CD248: variants seen among roughly 807,000 people sequenced by gnomAD.
The protein encoded by CD248 is CD248 molecule, also known as endosialin.
A neutral mutation model predicts 8.0 loss-of-function variants in CD248; 7 were observed. The ratio of observed to expected loss-of-function variants is 0.88; its 90% CI spans 0.50 to 1.64. CD248 has a LOEUF of 1.64. Ranked by LOEUF, CD248 falls within the 40% of genes most tolerant of loss-of-function variation. The probability of loss-of-function intolerance (pLI) is 0.00; values close to 1 mark genes in which losing one functional copy is unlikely to be tolerated. For synonymous variants in CD248, 418 were observed against 437.1 expected (o/e 0.96, Z 0.54); for missense variants, 912 against 1,027.2 (o/e 0.89, Z 1.53).
In CD248 at chr11:66,314,683, C is replaced by A; in HGVS notation, c.*71G>T. 1 of 1,351,536 alleles carries A rather than the reference C, an allele frequency of 7.4e-7. No homozygotes were observed. Among genetic ancestry groups the A allele is most frequent in the South Asian group, 1.4e-5 (1 of 71,894 alleles). The allele number at this position is 1,351,536 out of a possible 1,614,324, so 83.7% of individuals were successfully genotyped here. ...AGCCATCTGTCCAGCTGGGCAGCCC[C>A]CATGGGTCCCTGGTGCAGCCCCGGC... On this transcript the variant is annotated 3_prime_UTR_variant, in exon 1 of 1. Coordinates refer to ENST00000311330, the MANE Select transcript of CD248 (RefSeq NM_020404.3). This position sits in a 1 kb window ranked among gnomAD's most constrained non-coding sequence, Gnocchi z 4.0.
At position 66,316,867 on chromosome 11, in the gene CD248, A is replaced by G. The variant is rs549922332; in HGVS notation, c.161T>C (p.Leu54Pro). The G allele has an allele frequency of 1.9e-6, 3 of 1,546,102 alleles. No homozygotes were observed. Among genetic ancestry groups the G allele is most frequent in the Admixed American group, 1.9e-5 (1 of 52,214 alleles). The part of the protein sequence containing the change: ...FLEAWRACRE[L>P]GGDLATPRTP... ...CCGAGGAGTGGCCAGGTCGCCCCCC[A>G]GCTCGCGGCAGGCCCGCCAGGCCTC... is the stretch of plus-strand genomic sequence containing the variant. The change falls in exon 1 of 1, where the codon CTG becomes CCG. Residue 54 changes from leucine to proline, a missense_variant. Leu to Pro is a moderately conservative substitution (Grantham distance 98). Transcript: ENST00000311330.
rs2134917192 is a variant in CD248 at position 66,316,024 on chromosome 11, C to T, written c.1004G>A (p.Cys335Tyr). 6.2e-7 allele frequency: 1 copy of T among 1,613,680 alleles called. No individual in the cohort carries two copies. The highest frequency in any genetic ancestry group is 8.5e-7 in the Non-Finnish European group (1 of 1,180,022). Reference sequence around the variant, plus strand: ...CAGCTCATGTCCCTCGCTACAATAACACTCGAAGCCACCAACGTAGTTGAC... The same window carrying T: ...CAGCTCATGTCCCTCGCTACAATAATACTCGAAGCCACCAACGTAGTTGAC... The part of the protein sequence containing the change: ...MCVNYVGGFE[C>Y]YCSEGHELEA... The change falls in exon 1 of 1, where the codon TGT becomes TAT. Residue 335 changes from cysteine (C) to tyrosine (Y), a missense_variant. Cys to Tyr is a radical substitution (Grantham distance 194). Transcript: ENST00000311330.
chr11:66,314,993 G>T lies in CD248; in HGVS notation c.2035C>A (p.His679Asn), dbSNP rs1413745185. 7 of 1,611,714 alleles carry T rather than the reference G, an allele frequency of 4.3e-6. No individual in the cohort carries two copies. The highest frequency in any genetic ancestry group is 5.9e-6 in the Non-Finnish European group (7 of 1,179,046). ...TALGEAGLAE[H>N]SQRDDRWLLV... ...AGCCACCGGTCATCCCTCTGGCTGT[G>T]CTCGGCAAGACCAGCCTCCCCCAGG... Residue 679 changes from histidine (H) to asparagine (N), a missense_variant, in exon 1 of 1, where the codon CAC (histidine) becomes AAC (asparagine). His to Asn is a moderately conservative substitution (Grantham distance 68). Coordinates refer to ENST00000311330, the MANE Select transcript of CD248 (RefSeq NM_020404.3). This position sits in a 1 kb window ranked among gnomAD's most constrained non-coding sequence, Gnocchi z 4.0.
rs375417392 is a variant in CD248, at chr11:66,314,921, G to A, written c.2107C>T (p.Leu703Phe). 5.0e-5 allele frequency: 81 copies of A among 1,613,202 alleles called. No homozygotes were observed. Among genetic ancestry groups the A allele is most frequent in the Non-Finnish European group, 1.1e-5 (13 of 1,179,886 alleles). Residue 703 changes from leucine (L) to phenylalanine (F), a missense_variant, in exon 1 of 1, where the codon CTT (leucine) becomes TTT (phenylalanine). This residue lies in a region of CD248 where 507 missense variants were observed against 562.2 expected (regional missense o/e 0.90). Coordinates refer to ENST00000311330, the MANE Select transcript of CD248 (RefSeq NM_020404.3). This position sits in a 1 kb window ranked among gnomAD's most constrained non-coding sequence, Gnocchi z 4.0. ...GTGCAGTACACGATGCCCAGTGCAA[G>A]CAGGACCACCAAAAAGACACACGTT... ...VPTCVFLVVL[L>F]ALGIVYCTRC... is the part of the protein sequence containing the mutation.
At position 66,315,405 on chromosome 11, in the gene CD248, G is replaced by C. The variant is rs1314034327; in HGVS notation, c.1623C>G (p.Thr541=). The part of the protein sequence containing the change: ...PMFPDTRVAG[T]QTTTHLPGIP... ...TTCCAGGCAAATGAGTGGTGGTCTG[G>C]GTGCCAGCGACCCGGGTGTCTGGAA... is the stretch of plus-strand genomic sequence containing the variant. Residue 541 remains threonine (T), a synonymous_variant, in exon 1 of 1, where the codon ACC becomes ACG. Transcript: ENST00000311330. The surrounding 1 kb of genome is among the most constrained non-coding windows in gnomAD (Gnocchi z 4.3). The C allele has an allele frequency of 1.2e-6, 2 of 1,612,570 alleles. No individual in the cohort carries two copies. Among genetic ancestry groups the C allele is most frequent in the Non-Finnish European group, 1.7e-6 (2 of 1,178,948 alleles).
Position 66,315,393 on chromosome 11 carries a change from AGTG to A in CD248, c.1632_1634del (p.Thr545del), listed in dbSNP as rs376406227. ...GGTTAGGTGGGATTCCAGGCAAATG[AGTG>A]GTGGTCTGGGTGCCAGCGACCCGGG... is the stretch of plus-strand genomic sequence containing the variant. On this transcript the variant is annotated inframe_deletion, in exon 1 of 1. Coordinates refer to ENST00000311330, the MANE Select transcript of CD248 (RefSeq NM_020404.3). The surrounding 1 kb of genome is among the most constrained non-coding windows in gnomAD (Gnocchi z 4.3). 23 of 1,610,272 alleles carry A rather than the reference AGTG, an allele frequency of 1.4e-5. No homozygotes were observed. In the African/African-American group the frequency reaches 1.7e-4, roughly 12 times the overall value.
chr11:66,315,958 C>A lies in CD248; in HGVS notation c.1070G>T (p.Gly357Val). Residue 357 changes from glycine to valine, a missense_variant, in exon 1 of 1, where the codon GGT becomes GTT. This residue lies in a region of CD248 where 507 missense variants were observed against 562.2 expected (regional missense o/e 0.90). Coordinates refer to ENST00000311330, the MANE Select transcript of CD248 (RefSeq NM_020404.3). The surrounding 1 kb of genome is among the most constrained non-coding windows in gnomAD (Gnocchi z 4.3). The part of the protein sequence containing the change: ...GISCSPAGAM[G>V]AQASQDLGDE... Reference sequence around the variant, plus strand: ...TCCGAGGTCCTGGGAAGCCTGGGCACCCATGGCCCCTGCAGGGCTGCAGCT... The same window carrying A: ...TCCGAGGTCCTGGGAAGCCTGGGCAACCATGGCCCCTGCAGGGCTGCAGCT... 6.2e-7 allele frequency: 1 copy of A among 1,613,350 alleles called. No homozygotes were observed. The highest frequency in any genetic ancestry group is 8.5e-7 in the Non-Finnish European group (1 of 1,180,016).
rs755921687 is a variant in CD248, at chr11:66,316,639, C to A, written c.389G>T (p.Arg130Leu). The stretch of plus-strand genomic sequence containing the variant: ...GCCACTTGCCTCCAGGGCCACACAG[C>A]GCTGGGCCGGGCAGGGGCCTCCAGA... The part of the protein sequence containing the change: ...PASGGPCPAQ[R>L]CVALEASGEH... Residue 130 changes from arginine to leucine, a missense_variant, in exon 1 of 1, where the codon CGC becomes CTC. Coordinates refer to ENST00000311330, the MANE Select transcript of CD248 (RefSeq NM_020404.3). The A allele has an allele frequency of 6.2e-7, 1 of 1,604,486 alleles. No homozygotes were observed. The highest frequency in any genetic ancestry group is 8.5e-7 in the Non-Finnish European group (1 of 1,179,078).
Position 66,316,271 on chromosome 11 carries a change from G to C in CD248, c.757C>G (p.His253Asp). 1 of 1,613,528 alleles carries C rather than the reference G, an allele frequency of 6.2e-7. No individual in the cohort carries two copies. Among genetic ancestry groups the C allele is most frequent in the Non-Finnish European group, 8.5e-7 (1 of 1,179,934 alleles). Residue 253 changes from histidine to aspartate, a missense_variant, in exon 1 of 1, where the codon CAC becomes GAC. Around this residue, in one of 3 missense-constraint regions of CD248, gnomAD observed 403 missense variants for 446.2 expected, o/e 0.90. Coordinates refer to ENST00000311330, the MANE Select transcript of CD248 (RefSeq NM_020404.3). ...EHECVEEVDG[H>D]VSCRCTEGFR... ...CCCTCAGTGCAGCGGCAGGACACGT[G>C]ACCATCCACCTCCTCCACACATTCG...
Position 66,315,238 on chromosome 11 carries a change from C to T in CD248, c.1790G>A (p.Arg597Lys), listed in dbSNP as rs1324314658. Residue 597 changes from arginine to lysine, a missense_variant, in exon 1 of 1, where the codon AGG (arginine) becomes AAG (lysine). Transcript: ENST00000311330. This position sits in a 1 kb window ranked among gnomAD's most constrained non-coding sequence, Gnocchi z 4.3. ...TAQPSLTTTS[R>K]SPVSPAHQIS... ...TTGATGGGCAGGAGACACAGGGGAC[C>T]TGGAGGTGGTGGTCAGAGAGGGCTG... 1.3e-6 allele frequency: 2 copies of T among 1,529,068 alleles called. No individual in the cohort carries two copies. Among genetic ancestry groups the T allele is most frequent in the Non-Finnish European group, 1.8e-6 (2 of 1,140,318 alleles). The allele number at this position is 1,529,068 out of a possible 1,614,324, so 94.7% of individuals were successfully genotyped here. A position where few individuals can be genotyped will look rare whatever the true frequency, so the allele number is the denominator to read the frequency against.
In CD248 at chr11:66,316,963, G is replaced by C; in HGVS notation, c.65C>G (p.Ala22Gly). The C allele has an allele frequency of 6.5e-7, 1 of 1,540,864 alleles. No homozygotes were observed. Among genetic ancestry groups the C allele is most frequent in the Non-Finnish European group, 8.6e-7 (1 of 1,156,404 alleles). Residue 22 changes from alanine to glycine, a missense_variant, in exon 1 of 1, where the codon GCT (alanine) becomes GGT (glycine). Physicochemically the swap from Ala to Gly is moderately conservative, Grantham distance 60. Coordinates refer to ENST00000311330, the MANE Select transcript of CD248 (RefSeq NM_020404.3). ...GCCGCAGGCGGCACGGGGCTCAGCA[G>C]CCCAGGGGTCCTGGCCCAGTGTGGG... is the stretch of plus-strand genomic sequence containing the variant. Reference protein sequence around the residue: ...AGPTLGQDPWAAEPRAACGPS... With the variant: ...AGPTLGQDPWGAEPRAACGPS...
rs760745191 is a variant in CD248 at position 66,315,134 on chromosome 11, G to T, written c.1894C>A (p.Pro632Thr). 18 of 1,540,728 alleles carry T rather than the reference G, an allele frequency of 1.2e-5. No individual in the cohort carries two copies. The highest frequency in any genetic ancestry group is 1.5e-5 in the Non-Finnish European group (17 of 1,144,006). Residue 632 changes from proline to threonine, a missense_variant, in exon 1 of 1, where the codon CCC becomes ACC. Coordinates refer to ENST00000311330, the MANE Select transcript of CD248 (RefSeq NM_020404.3). The surrounding 1 kb of genome is among the most constrained non-coding windows in gnomAD (Gnocchi z 4.3). ...GAATGGGGATGTGTAGGGCTGATGG[G>T]TGAGGTCTGGTTAGTGGGGCTCTGA... Reference protein sequence around the residue: ...PSQSPTNQTSPISPTHPHSKA... With the variant: ...PSQSPTNQTSTISPTHPHSKA...
At position 66,314,953 on chromosome 11, in the gene CD248, A is replaced by G; in HGVS notation, c.2075T>C (p.Leu692Pro). The stretch of plus-strand genomic sequence containing the variant: ...CACCAAAAAGACACACGTTGGCACC[A>G]GGAGTGCCACCAGCAGCCACCGGTC... Reference protein sequence around the residue: ...RDDRWLLVALLVPTCVFLVVL... With the variant: ...RDDRWLLVALPVPTCVFLVVL... The change falls in exon 1 of 1, where the codon CTG becomes CCG. Residue 692 changes from leucine (L) to proline (P), a missense_variant. Coordinates refer to ENST00000311330, the MANE Select transcript of CD248 (RefSeq NM_020404.3). The surrounding 1 kb of genome is among the most constrained non-coding windows in gnomAD (Gnocchi z 4.0). The G allele has an allele frequency of 1.4e-5, 22 of 1,613,398 alleles. No homozygotes were observed. Among genetic ancestry groups the G allele is most frequent in the Non-Finnish European group, 1.9e-5 (22 of 1,179,958 alleles).
rs1820202183 is a variant in CD248, at chr11:66,315,694, A to G, written c.1334T>C (p.Leu445Pro). ...GACCACCACAGGCCGGGTGACGGAG[A>G]GCACTGAGGAGTGGTAGGGGACCCT... is the stretch of plus-strand genomic sequence containing the variant. ...APRVPYHSSV[L>P]SVTRPVVVSA... Residue 445 changes from leucine to proline, a missense_variant, in exon 1 of 1, where the codon CTC becomes CCC. Coordinates refer to ENST00000311330, the MANE Select transcript of CD248 (RefSeq NM_020404.3). The surrounding 1 kb of genome is among the most constrained non-coding windows in gnomAD (Gnocchi z 4.3). 6.2e-7 allele frequency: 1 copy of G among 1,612,776 alleles called. No homozygotes were observed. The highest frequency in any genetic ancestry group is 8.5e-7 in the Non-Finnish European group (1 of 1,179,208).
At position 66,316,345 on chromosome 11, in the gene CD248, G is replaced by A. The variant is rs149949198; in HGVS notation, c.683C>T (p.Pro228Leu). The change falls in exon 1 of 1, where the codon CCC (proline) becomes CTC (leucine). Residue 228 changes from proline to leucine, a missense_variant. Around this residue, in one of 3 missense-constraint regions of CD248, gnomAD observed 403 missense variants for 446.2 expected, o/e 0.90. Transcript: ENST00000311330. ...GCTGCAGCCAGTCCCCAGGCACAGG[G>A]GCCCAGCCCGTGACCAGCCCACACC... is the stretch of plus-strand genomic sequence containing the variant. ...EGGVGWSRAG[P>L]LCLGTGCSPD... is the part of the protein sequence containing the mutation. 5,082 of 1,612,680 alleles carry A rather than the reference G, an allele frequency of 3.2e-3. 10 individuals are homozygous for A. Among genetic ancestry groups the A allele is most frequent in the Non-Finnish European group, 4.0e-3 (4,661 of 1,179,830 alleles).
chr11:66,314,871 G>T lies in CD248; in HGVS notation c.2157C>A (p.Asn719Lys). The T allele has an allele frequency of 6.2e-7, 1 of 1,608,468 alleles. No individual in the cohort carries two copies. The highest frequency in any genetic ancestry group is 8.5e-7 in the Non-Finnish European group (1 of 1,177,894). The change falls in exon 1 of 1, where the codon AAC becomes AAA. Residue 719 changes from asparagine to lysine, a missense_variant. Transcript: ENST00000311330. This position sits in a 1 kb window ranked among gnomAD's most constrained non-coding sequence, Gnocchi z 4.0. ...YCTRCGPHAP[N>K]KRITDCYRWV... ...AGCGATAGCAGTCAGTGATGCGCTT[G>T]TTGGGTGCATGGGGGCCACAGCGGG...
In CD248 at chr11:66,315,490, T is replaced by C. The variant is rs1397457915; in HGVS notation, c.1538A>G (p.Gln513Arg). The change falls in exon 1 of 1, where the codon CAG (glutamine) becomes CGG (arginine). Residue 513 changes from glutamine (Q) to arginine (R), a missense_variant. By Grantham distance (43) the Gln-to-Arg change is conservative. Transcript: ENST00000311330. This position sits in a 1 kb window ranked among gnomAD's most constrained non-coding sequence, Gnocchi z 4.3. The stretch of plus-strand genomic sequence containing the variant: ...ATATTTGGTTGAGATCATAGGGGGC[T>C]GGTGGGCAGGAGGCTGTGCTGAATG... ...VSHSAQPPAHQPPMISTKYPE... is the reference protein window; with the variant it reads ...VSHSAQPPAHRPPMISTKYPE... 2 of 1,613,460 alleles carry C rather than the reference T, an allele frequency of 1.2e-6. No individual in the cohort carries two copies. Among genetic ancestry groups the C allele is most frequent in the Admixed American group, 3.3e-5 (2 of 59,960 alleles).
chr11:66,315,170 G>C lies in CD248; in HGVS notation c.1858C>G (p.Leu620Val). Residue 620 changes from leucine to valine, a missense_variant, in exon 1 of 1, where the codon CTC (leucine) becomes GTC (valine). Physicochemically the swap from Leu to Val is conservative, Grantham distance 32. Around this residue, in one of 3 missense-constraint regions of CD248, gnomAD observed 507 missense variants for 562.2 expected, o/e 0.90. Transcript: ENST00000311330. This position sits in a 1 kb window ranked among gnomAD's most constrained non-coding sequence, Gnocchi z 4.3. ...TTAGTGGGGCTCTGAGAGGGCAGGAGGGTGGGGAGGGCTGCGGGCTGGGTG... is the reference window on the plus strand; with the variant it reads ...TTAGTGGGGCTCTGAGAGGGCAGGACGGTGGGGAGGGCTGCGGGCTGGGTG... ...AATQPAALPT[L>V]LPSQSPTNQT... 8 of 1,528,564 alleles carry C rather than the reference G, an allele frequency of 5.2e-6. No individual in the cohort carries two copies. Among genetic ancestry groups the C allele is most frequent in the Non-Finnish European group, 7.0e-6 (8 of 1,140,404 alleles). 94.7% of individuals were successfully genotyped at this position (1,528,564 alleles called of 1,614,324 possible).
In CD248 at chr11:66,314,893, C is replaced by A. The variant is rs967165473; in HGVS notation, c.2135G>T (p.Arg712Leu). ...CTTGTTGGGTGCATGGGGGCCACAG[C>A]GGGTGCAGTACACGATGCCCAGTGC... Reference protein sequence around the residue: ...LLALGIVYCTRCGPHAPNKRI... With the variant: ...LLALGIVYCTLCGPHAPNKRI... The change falls in exon 1 of 1, where the codon CGC (arginine) becomes CTC (leucine). Residue 712 changes from arginine to leucine, a missense_variant. Transcript: ENST00000311330. The surrounding 1 kb of genome is among the most constrained non-coding windows in gnomAD (Gnocchi z 4.0). 6.2e-7 allele frequency: 1 copy of A among 1,611,734 alleles called. No homozygotes were observed. The highest frequency in any genetic ancestry group is 1.1e-5 in the South Asian group (1 of 90,752).
Sources: gnomAD v4.1 joint callset for allele counts on GRCh38, gnomAD v4.1.1 for gene constraint, gnomAD v4.1.1 regional missense constraint, Gnocchi (gnomAD v3.1) non-coding constraint, MANE v1.5 for transcripts, NCBI Gene and HGNC (gene_info 2026-07-23, HGNC 2026-07-21) for gene names.